The following AGBL4 variants were observed in gnomAD, a reference collection of about 807,000 sequenced individuals.
The protein encoded by AGBL4 is cytosolic carboxypeptidase 6.
A neutral mutation model predicts 66.4 loss-of-function variants in AGBL4; 58 were observed. The ratio of observed to expected loss-of-function variants is 0.87; its 90% confidence interval spans 0.71 to 1.09. The LOEUF (loss-of-function observed/expected upper bound fraction) is 1.09. Among genes scored for constraint, AGBL4 ranks in the 50% least tolerant of loss-of-function variants. AGBL4 has a pLI of 0.00. For synonymous variants in AGBL4, 234 were observed against 222.9 expected (o/e 1.05, Z -0.44); for missense variants, 579 against 631.0 (o/e 0.92, Z 0.88).
At chr1:49,973,937 T>G (rs1378296370) in intron 1 of AGBL4, among the ~76,000 whole-genome samples, 1 of 151,888 alleles carries the variant, frequency 6.6e-6, no homozygotes, top group Non-Finnish European at 1.5e-5. Context: ...TATTTATTGG[T>G]AGGAACGCTA....
chr1:48,643,263 G>GC (rs1645786151), intron 8 of AGBL4, among the ~76,000 whole-genome samples: 1 of 152,124 alleles, frequency 6.6e-6, no homozygotes, highest in Admixed American at 6.5e-5. Context: ...ACAAAAAGGT[G>GC]CCCCCTCTGT....
intron 2 of AGBL4, among the ~76,000 whole-genome samples, chr1:49,810,518 TAAGGTGA>T (rs1645074941): frequency 6.6e-6 from 1 of 152,114 alleles, no homozygotes; most frequent in Non-Finnish European, 1.5e-5. Flanking sequence ...TATTTTATCA[TAAGGTGA>T]AGACTTGATG....
At chr1:48,838,455 T>A (rs1175815792) in intron 6 of AGBL4, among the ~76,000 whole-genome samples, 1 of 152,068 alleles carries the variant, frequency 6.6e-6, no homozygotes, top group African/African-American at 2.4e-5. Context: ...AGCTCTTTAG[T>A]AAATGTGCTG....
intron 6 of AGBL4, among the ~76,000 whole-genome samples, chr1:48,697,282 CT>C (rs1251536708): frequency 6.6e-6 from 1 of 152,166 alleles, no homozygotes; most frequent in Non-Finnish European, 1.5e-5. Flanking sequence ...ATGCCCCGTG[CT>C]GCCACCTGCT....
intron 3 of AGBL4, among the ~76,000 whole-genome samples, chr1:49,684,467 AAAAC>A (rs765699068): frequency 1.3e-5 from 2 of 152,170 alleles, no homozygotes; most frequent in Non-Finnish European, 2.9e-5. Flanking sequence ...CAGCAGTTAA[AAAAC>A]CACACACTAA....
At chr1:49,064,047 T>C (rs563493493) in intron 4 of AGBL4, among the ~76,000 whole-genome samples, 1 of 152,358 alleles carries the variant, frequency 6.6e-6, no homozygotes, top group African/African-American at 2.4e-5. Context: ...TTTAATTTTC[T>C]GATTTGTAAA....
intron 1 of AGBL4, among the ~76,000 whole-genome samples, chr1:49,974,981 A>G (rs1478630743): frequency 6.6e-6 from 1 of 152,206 alleles, no homozygotes; most frequent in Non-Finnish European, 1.5e-5. Context: ...CATACATTAT[A>G]TACATTTTTA....
intron 4 of AGBL4, among the ~76,000 whole-genome samples, chr1:49,063,163 ACTTT>A (rs1243296872): frequency 6.6e-6 from 1 of 152,170 alleles, no homozygotes; most frequent in Non-Finnish European, 1.5e-5. Flanking sequence ...TACTTGAAAG[ACTTT>A]CTTTGCAATC....
intron 2 of AGBL4, among the ~76,000 whole-genome samples, chr1:49,736,175 C>T (rs114987490): frequency 0.011 from 1,660 of 151,936 alleles, 25 homozygotes; most frequent in African/African-American, 0.038. Flanking sequence ...TTAGTATACA[C>T]ATCAAAGAAA....
chr1:48,980,821 C>T (rs1256826647), intron 5 of AGBL4, among the ~76,000 whole-genome samples: 2 of 144,230 alleles, frequency 1.4e-5, no homozygotes, highest in Non-Finnish European at 3.0e-5. Flanking sequence ...CAACTAACCA[C>T]TCTATGTTTG....
intron 1 of AGBL4, among the ~76,000 whole-genome samples, chr1:49,900,144 T>C (rs1249189511): frequency 2.0e-5 from 3 of 152,240 alleles, no homozygotes; most frequent in Non-Finnish European, 4.4e-5. Context: ...AGGCTTATTA[T>C]CTTGGTGAAT....
intron 4 of AGBL4, among the ~76,000 whole-genome samples, chr1:49,105,299 C>T (rs779255312): frequency 6.1e-4 from 92 of 152,046 alleles, no homozygotes; most frequent in Admixed American, 4.6e-4. Context: ...ACAATGTTTG[C>T]GAACAGCAAG....
chr1:49,101,196 T>G (rs1200223900), intron 4 of AGBL4, among the ~76,000 whole-genome samples: 1 of 152,090 alleles, frequency 6.6e-6, no homozygotes, highest in Non-Finnish European at 1.5e-5. Context: ...TTCTTTTTTT[T>G]TTTTTAATTG....
intron 1 of AGBL4, among the ~76,000 whole-genome samples, chr1:49,958,926 C>T (rs1310522000): frequency 6.6e-6 from 1 of 151,384 alleles, no homozygotes; most frequent in South Asian, 2.1e-4. Context: ...AAATTCATAT[C>T]CCATCTTAGA....
chr1:48,557,596 G>T (rs545398607), intron 11 of AGBL4, among the ~76,000 whole-genome samples: 1 of 152,208 alleles, frequency 6.6e-6, no homozygotes, highest in African/African-American at 2.4e-5. Context: ...AGATCAAAAG[G>T]TTTTGTGAAG....
intron 3 of AGBL4, among the ~76,000 whole-genome samples, chr1:49,408,213 T>C (rs1036422783): frequency 6.6e-6 from 1 of 152,154 alleles, no homozygotes; most frequent in African/African-American, 2.4e-5. Flanking sequence ...TAAGGAATAT[T>C]GTGGACAACA....
At chr1:48,820,918 C>A (rs1357396838) in intron 6 of AGBL4, among the ~76,000 whole-genome samples, 2 of 152,024 alleles carry the variant, frequency 1.3e-5, no homozygotes, top group African/African-American at 4.8e-5. Context: ...AAAAACCAAA[C>A]AATCCCATTA....
chr1:48,736,496 G>A lies in AGBL4; in HGVS notation c.635-73255C>T. On this transcript the variant is annotated intron_variant, in intron 6 of 13. Transcript: ENST00000371839. This position sits in a 1 kb window ranked among gnomAD's most constrained non-coding sequence, Gnocchi z 4.0. Reference sequence around the variant, plus strand: ...CCAGCACCTGTTTAGTCCGACAGGAGGGCAGTGGGAGGCTTCTCTTGTCCT... The same window carrying A: ...CCAGCACCTGTTTAGTCCGACAGGAAGGCAGTGGGAGGCTTCTCTTGTCCT... The A allele has an allele frequency of 1.3e-6, 2 of 1,556,734 alleles. No individual in the cohort carries two copies. The highest frequency in any genetic ancestry group is 1.8e-6 in the Non-Finnish European group (2 of 1,130,526).
intron 6 of AGBL4, among the ~76,000 whole-genome samples, chr1:48,808,464 C>T (rs780001603): frequency 6.6e-6 from 1 of 152,148 alleles, no homozygotes; most frequent in Admixed American, 6.5e-5. Context: ...CTTCCAGGGC[C>T]CTGGTAAGTC....
Sources: allele counts gnomAD v4.1 joint callset (sites outside exome capture counted in the v4.1 genomes callset), GRCh38; gene constraint gnomAD v4.1.1; non-coding constraint Gnocchi (gnomAD v3.1); transcripts MANE v1.5; gene names NCBI Gene and HGNC (gene_info 2026-07-23, HGNC 2026-07-21).